Variants in RBFOX1 observed in about 807,000 individuals in gnomAD.
RBFOX1 encodes the protein RNA binding fox-1 homolog 1.
Under a neutral mutation model 57.7 loss-of-function variants are expected in RBFOX1, and 8 were observed. That is an observed-to-expected ratio of 0.14 (90% CI 0.08 to 0.25). The LOEUF is 0.25. Among genes scored for constraint, RBFOX1 ranks in the 10% least tolerant of loss-of-function variants. RBFOX1 has a pLI of 1.00. For synonymous variants in RBFOX1, 326 were observed against 222.4 expected, an observed-to-expected ratio of 1.47 and a Z score of -4.15; for missense variants, 611 against 548.5, an observed-to-expected ratio of 1.11 and a Z score of -1.14.
intron 4 of RBFOX1, among the ~76,000 whole-genome samples, chr16:7,320,948 C>A (rs1347198682): frequency 6.6e-6 from 1 of 152,130 alleles, no homozygotes; most frequent in Non-Finnish European, 1.5e-5. Context: ...AATTTGGACC[C>A]AAACTTCTTA....
chr16:7,412,369 C>T (rs953963165), intron 4 of RBFOX1, among the ~76,000 whole-genome samples: 6 of 144,512 alleles, frequency 4.2e-5, no homozygotes, highest in African/African-American at 7.7e-5. Flanking sequence ...GAGCCGAGAT[C>T]GCACCAGTGC....
chr16:6,387,271 A>G (rs187398420), intron 2 of RBFOX1, among the ~76,000 whole-genome samples: 1 of 152,242 alleles, frequency 6.6e-6, no homozygotes, highest in Admixed American at 6.5e-5. Flanking sequence ...CTTCATTTTC[A>G]ATGGAGAAAA....
chr16:6,071,422 G>A (rs959229230), intron 1 of RBFOX1, among the ~76,000 whole-genome samples: 6 of 152,050 alleles, frequency 3.9e-5, no homozygotes, highest in South Asian at 4.2e-4. Flanking sequence ...AATAAAAATG[G>A]GTACTAGGTC....
At chr16:6,250,936 A>C (rs1421470115) in intron 1 of RBFOX1, among the ~76,000 whole-genome samples, 1 of 152,118 alleles carries the variant, frequency 6.6e-6, no homozygotes, top group Non-Finnish European at 1.5e-5. Context: ...TAATTGAAAG[A>C]TACCTGATTT....
At chr16:6,870,127 C>T (rs887605673) in intron 3 of RBFOX1, among the ~76,000 whole-genome samples, 1 of 152,020 alleles carries the variant, frequency 6.6e-6, no homozygotes, top group African/African-American at 2.4e-5. Flanking sequence ...TTGCATAAGG[C>T]TCTTGGACCA....
intron 2 of RBFOX1, among the ~76,000 whole-genome samples, chr16:6,635,387 C>T (rs1203769106): frequency 2.6e-5 from 4 of 152,120 alleles, no homozygotes; most frequent in Admixed American, 6.6e-5. Flanking sequence ...CCACCATAGC[C>T]CATGATCCTT....
intron 2 of RBFOX1, among the ~76,000 whole-genome samples, chr16:6,620,150 C>T (rs1056210690): frequency 6.6e-6 from 1 of 152,136 alleles, no homozygotes; most frequent in Non-Finnish European, 1.5e-5. Context: ...AACAAACAGT[C>T]TCTTGCACCA....
At chr16:6,764,630 G>A (rs1048560556) in intron 3 of RBFOX1, among the ~76,000 whole-genome samples, 2 of 152,160 alleles carry the variant, frequency 1.3e-5, no homozygotes, top group African/African-American at 2.4e-5. Context: ...AATTAGAGAT[G>A]ATAATTATTA....
At chr16:6,513,349 T>G (rs1014477307) in intron 2 of RBFOX1, among the ~76,000 whole-genome samples, 1 of 152,190 alleles carries the variant, frequency 6.6e-6, no homozygotes, top group African/African-American at 2.4e-5. Context: ...AACTTTGTGC[T>G]TGGATAGCAT....
intron 1 of RBFOX1, among the ~76,000 whole-genome samples, chr16:6,164,910 T>C (rs1479596426): frequency 1.3e-5 from 2 of 152,224 alleles, no homozygotes; most frequent in African/African-American, 4.8e-5. Flanking sequence ...GTTGAATTTT[T>C]CATTAAAGGA....
chr16:5,315,901 C>T (rs555904171), intron 1 of RBFOX1, among the ~76,000 whole-genome samples: 1 of 152,262 alleles, frequency 6.6e-6, no homozygotes, highest in Admixed American at 6.5e-5. Flanking sequence ...CATACATTCT[C>T]ATAGGCCTGT....
intron 4 of RBFOX1, among the ~76,000 whole-genome samples, chr16:7,207,396 AC>A (rs2090210360): frequency 6.6e-6 from 1 of 152,142 alleles, no homozygotes; most frequent in Non-Finnish European, 1.5e-5. Context: ...CGTTAGGTTC[AC>A]ATGAATGGTA....
At chr16:6,916,775 C>G (rs553941798) in intron 3 of RBFOX1, among the ~76,000 whole-genome samples, 1 of 152,138 alleles carries the variant, frequency 6.6e-6, no homozygotes, top group Non-Finnish European at 1.5e-5. Context: ...TTAAACTTTT[C>G]CCATCTTTGA....
At chr16:5,791,417 C>A (rs544275366) in intron 3 of RBFOX1, among the ~76,000 whole-genome samples, 83 of 152,230 alleles carry the variant, frequency 5.5e-4, no homozygotes, top group African/African-American at 2.0e-3. Flanking sequence ...CTTTTTAATT[C>A]TTACAGCAAT....
At chr16:7,271,624 C>A (rs937591292) in intron 4 of RBFOX1, among the ~76,000 whole-genome samples, 2 of 152,000 alleles carry the variant, frequency 1.3e-5, no homozygotes, top group African/African-American at 2.4e-5. Flanking sequence ...TTAGAAGATA[C>A]GTGACTACTA....
chr16:5,741,431 A>T (rs909482200), intron 3 of RBFOX1, among the ~76,000 whole-genome samples: 4 of 152,200 alleles, frequency 2.6e-5, no homozygotes, highest in Admixed American at 1.3e-4. Flanking sequence ...ATTAAAGTGG[A>T]TGTGATTTCT....
intron 3 of RBFOX1, among the ~76,000 whole-genome samples, chr16:6,721,507 A>G (rs952578288): frequency 2.6e-5 from 4 of 152,156 alleles, no homozygotes; most frequent in African/African-American, 9.7e-5. Context: ...TGTTAAATGC[A>G]TTCATATTTT....
chr16:7,340,867 TTGC>T, intron 4 of RBFOX1, among the ~76,000 whole-genome samples: 1 of 152,342 alleles, frequency 6.6e-6, no homozygotes, highest in South Asian at 2.1e-4. Context: ...AAAGGGTGTC[TTGC>T]TGCAGCAGCC....
chr16:5,734,101 G>T (rs1272258006), intron 3 of RBFOX1, among the ~76,000 whole-genome samples: 2 of 152,076 alleles, frequency 1.3e-5, no homozygotes, highest in Admixed American at 1.3e-4. Flanking sequence ...CCATCCTTAC[G>T]CCCTACCTGG....
Sources: allele counts gnomAD v4.1 joint callset (sites outside exome capture counted in the v4.1 genomes callset), GRCh38; gene constraint gnomAD v4.1.1; transcripts MANE v1.5; gene names NCBI Gene and HGNC (gene_info 2026-07-23, HGNC 2026-07-21).